C12orf42: variants seen among roughly 807,000 people sequenced by gnomAD.
The protein encoded by C12orf42 is chromosome 12 open reading frame 42.
A neutral mutation model predicts 21.6 loss-of-function variants in C12orf42; 25 were observed. The ratio of observed to expected loss-of-function variants is 1.16; its 90% CI spans 0.84 to 1.62. The LOEUF (loss-of-function observed/expected upper bound fraction) is 1.62, where lower values mean the gene tolerates loss of function less well. C12orf42 is among the 40% of genes most tolerant of loss of function. C12orf42 has a pLI of 0.00. For missense variants in C12orf42, 483 were observed against 459.3 expected, an observed-to-expected ratio of 1.05 and a Z score of -0.47; for synonymous variants, 174 against 175.0, an observed-to-expected ratio of 0.99 and a Z score of 0.05.
chr12:103,062,064 T>G, the C12orf42 span, among the ~76,000 whole-genome samples: 1 of 152,066 alleles, frequency 6.6e-6, no homozygotes, highest in African/African-American at 2.4e-5. Flanking sequence ...TAGCCTAAAA[T>G]AAATGAATGG....
the C12orf42 span, among the ~76,000 whole-genome samples, chr12:103,172,235 T>C: frequency 6.6e-6 from 1 of 152,052 alleles, no homozygotes; most frequent in Non-Finnish European, 1.5e-5. Context: ...TAGGGTAATA[T>C]GCATGAAGCA....
Position 103,491,054 on chromosome 12 carries a change from A to C in C12orf42, c.-22+4848T>G, listed in dbSNP as rs569705228. ...TCTGGCAATCATATAAATTAGAAAA[A>C]TTTCACCAGTGTTTATGTATTAAAT... On this transcript the variant is annotated intron_variant, in intron 1 of 5. Coordinates refer to ENST00000548883, the MANE Select transcript of C12orf42 (RefSeq NM_198521.5). Among the ~76,000 whole-genome samples, 9 of 152,264 alleles carry C rather than the reference A, an allele frequency of 5.9e-5. No homozygotes were observed. In the South Asian group the frequency reaches 6.2e-4, roughly 11 times the overall value.
At chr12:103,367,657 T>C (rs529406586) in intron 4 of C12orf42, among the ~76,000 whole-genome samples, 1 of 151,942 alleles carries the variant, frequency 6.6e-6, no homozygotes, top group African/African-American at 2.4e-5. Flanking sequence ...AGTAAAAGTG[T>C]TTTCCCATGG....
the C12orf42 span, among the ~76,000 whole-genome samples, chr12:103,102,119 G>A: frequency 1.3e-5 from 2 of 152,152 alleles, no homozygotes; most frequent in Non-Finnish European, 2.9e-5. Flanking sequence ...CCACTTCTTG[G>A]TGGTAAGAAC....
intron 3 of C12orf42, among the ~76,000 whole-genome samples, chr12:103,391,907 T>C (rs2047115486): frequency 6.6e-6 from 1 of 152,172 alleles, no homozygotes; most frequent in African/African-American, 2.4e-5. Flanking sequence ...TTACCAAATC[T>C]AAGGTCATGA....
chr12:103,443,733 C>T (rs1951409168), intron 2 of C12orf42, among the ~76,000 whole-genome samples: 1 of 152,018 alleles, frequency 6.6e-6, no homozygotes, highest in African/African-American at 2.4e-5. Flanking sequence ...GCCAGCTGAG[C>T]AGGGTTGGCA....
At chr12:103,258,923 T>A (rs189532774) in intron 10 of C12orf42, among the ~76,000 whole-genome samples, 226 of 152,286 alleles carry the variant, frequency 1.5e-3, no homozygotes, top group African/African-American at 5.0e-3. Flanking sequence ...TTTAACATAA[T>A]TTTAAGTTGA....
chr12:103,228,623 G>A, the C12orf42 span, among the ~76,000 whole-genome samples: 1 of 152,070 alleles, frequency 6.6e-6, no homozygotes, highest in South Asian at 2.1e-4. Context: ...ACTATAGGAA[G>A]TGAGACTGGG....
At chr12:103,108,435 C>T in the C12orf42 span, among the ~76,000 whole-genome samples, 1 of 151,854 alleles carries the variant, frequency 6.6e-6, no homozygotes, top group African/African-American at 2.4e-5. Flanking sequence ...TTAATTGAAC[C>T]CATCTCCTAT....
At chr12:103,206,446 G>T in the C12orf42 span, among the ~76,000 whole-genome samples, 1 of 151,878 alleles carries the variant, frequency 6.6e-6, no homozygotes, top group African/African-American at 2.4e-5. Context: ...TATTGGCAAT[G>T]TTCTATATTT....
At chr12:103,148,415 A>T in the C12orf42 span, among the ~76,000 whole-genome samples, 1 of 152,164 alleles carries the variant, frequency 6.6e-6, no homozygotes, top group Non-Finnish European at 1.5e-5. Flanking sequence ...TGCCTAATTT[A>T]TAACCTTGAT....
chr12:103,494,551 G>A (rs148737987), intron 1 of C12orf42, among the ~76,000 whole-genome samples: 16 of 151,122 alleles, frequency 1.1e-4, no homozygotes, highest in Middle Eastern at 3.4e-3. Context: ...ACTCTATGTG[G>A]CAGATAAAAA....
chr12:103,452,141 T>A (rs369861010), intron 2 of C12orf42, among the ~76,000 whole-genome samples: 3 of 151,928 alleles, frequency 2.0e-5, no homozygotes, highest in Admixed American at 6.6e-5. Flanking sequence ...ATCTAGGATG[T>A]CCTTACTCGC....
chr12:103,096,816 CA>C, the C12orf42 span, among the ~76,000 whole-genome samples: 2 of 152,138 alleles, frequency 1.3e-5, no homozygotes, highest in Non-Finnish European at 1.5e-5. Flanking sequence ...TGAGACCTGG[CA>C]CAGTTTAGTG....
At chr12:103,496,378 AGGCTGTAGATGGGGACAGT>A (rs1955546466), upstream of C12orf42, among the ~76,000 whole-genome samples, 1 of 152,202 alleles carries the variant, frequency 6.6e-6, no homozygotes, top group Admixed American at 6.5e-5. Flanking sequence ...GGGCAGAGCA[AGGCTGTAGATGGGGACAGT>A]GGCCATTTGG....
At chr12:103,163,767 GTGAGTCA>G in the C12orf42 span, among the ~76,000 whole-genome samples, 1 of 152,180 alleles carries the variant, frequency 6.6e-6, no homozygotes, top group African/African-American at 2.4e-5. Context: ...GTGATATGGG[GTGAGTCA>G]GTTTAGCTCT....
chr12:103,180,541 C>T, the C12orf42 span, among the ~76,000 whole-genome samples: 1 of 148,462 alleles, frequency 6.7e-6, no homozygotes, highest in Non-Finnish European at 1.5e-5. Flanking sequence ...ATGCAGATTC[C>T]AGGACTCACA....
intron 4 of C12orf42, among the ~76,000 whole-genome samples, chr12:103,331,458 G>T (rs771160955): frequency 2.0e-5 from 3 of 152,146 alleles, no homozygotes; most frequent in Admixed American, 1.3e-4. Context: ...TTCATCAAAT[G>T]TTTGAGTAAC....
chr12:103,528,913 A>G, the C12orf42 span, among the ~76,000 whole-genome samples: 1 of 152,220 alleles, frequency 6.6e-6, no homozygotes, highest in Non-Finnish European at 1.5e-5. Flanking sequence ...TGAGGAAACC[A>G]AGGCTCAGAG....
Sources: gnomAD v4.1 joint callset for allele counts (sites outside exome capture counted in the v4.1 genomes callset) on GRCh38, gnomAD v4.1.1 for gene constraint, MANE v1.5 for transcripts, NCBI Gene and HGNC (gene_info 2026-07-23, HGNC 2026-07-21) for gene names.